PTPRD: variants seen among roughly 807,000 people sequenced by gnomAD.
PTPRD encodes protein tyrosine phosphatase receptor type D, also known as receptor-type tyrosine-protein phosphatase delta.
A neutral mutation model predicts 214.5 loss-of-function variants in PTPRD; 34 were observed. The observed-to-expected ratio is 0.16, with a 90% CI of 0.12 to 0.21. PTPRD has a LOEUF of 0.21. PTPRD is among the 10% of genes least tolerant of loss of function. The probability of loss-of-function intolerance (pLI) is 1.00; values close to 1 mark genes in which losing one functional copy is unlikely to be tolerated. For missense variants in PTPRD, 2,545 were observed against 2,398.7 expected, an observed-to-expected ratio of 1.06 and a Z score of -1.27; for synonymous variants, 1,128 against 845.7, an observed-to-expected ratio of 1.33 and a Z score of -5.79.
At chr9:8,555,174 T>G (rs1008863833) in intron 14 of PTPRD, among the ~76,000 whole-genome samples, 1 of 152,054 alleles carries the variant, frequency 6.6e-6, no homozygotes, top group South Asian at 2.1e-4. Context: ...CACACCAATT[T>G]GGGAGGATCA....
At chr9:8,776,549 C>T (rs1037403802) in intron 11 of PTPRD, among the ~76,000 whole-genome samples, 1 of 140,056 alleles carries the variant, frequency 7.1e-6, no homozygotes, top group African/African-American at 3.2e-5. Flanking sequence ...CTGCCGGCCT[C>T]CCAAAGTGCT....
At chr9:8,611,027 A>G (rs1432780402) in intron 14 of PTPRD, among the ~76,000 whole-genome samples, 1 of 152,206 alleles carries the variant, frequency 6.6e-6, no homozygotes, top group African/African-American at 2.4e-5. Flanking sequence ...ATCTAAATTT[A>G]TGGTTTATTC....
intron 11 of PTPRD, among the ~76,000 whole-genome samples, chr9:8,848,912 A>T (rs1029259361): frequency 6.7e-6 from 1 of 150,028 alleles, no homozygotes; most frequent in African/African-American, 2.5e-5. Context: ...GACATTAAAC[A>T]TAATACTAAA....
intron 9 of PTPRD, among the ~76,000 whole-genome samples, chr9:9,201,212 A>C (rs1032102468): frequency 2.0e-5 from 3 of 152,184 alleles, no homozygotes; most frequent in African/African-American, 7.2e-5. Context: ...CAAGAAGAAA[A>C]CTAAAATAAA....
At chr9:10,105,293 A>G (rs1194358606) in intron 3 of PTPRD, among the ~76,000 whole-genome samples, 1 of 151,858 alleles carries the variant, frequency 6.6e-6, no homozygotes, top group African/African-American at 2.4e-5. Context: ...GTATAAGTTA[A>G]TATCTATTAT....
At chr9:9,105,970 T>A (rs2099797926) in intron 10 of PTPRD, among the ~76,000 whole-genome samples, 1 of 152,144 alleles carries the variant, frequency 6.6e-6, no homozygotes, top group African/African-American at 2.4e-5. Flanking sequence ...GCAGAATCTC[T>A]GTAGACCTGC....
chr9:9,324,519 C>A (rs970260186), intron 9 of PTPRD, among the ~76,000 whole-genome samples: 48 of 152,218 alleles, frequency 3.2e-4, no homozygotes, highest in African/African-American at 1.1e-3. Context: ...TATCCTTTGC[C>A]CACTTTTTGA....
chr9:10,257,372 G>A (rs901871779), intron 3 of PTPRD, among the ~76,000 whole-genome samples: 3 of 152,098 alleles, frequency 2.0e-5, no homozygotes, highest in Non-Finnish European at 2.9e-5. Context: ...GGTAGAGAAA[G>A]GCTCCCAGGG....
intron 2 of PTPRD, among the ~76,000 whole-genome samples, chr9:10,602,092 G>A (rs1480547319): frequency 6.6e-6 from 1 of 151,608 alleles, no homozygotes. Context: ...TCCGATTTTT[G>A]TATGTATTTT....
intron 10 of PTPRD, among the ~76,000 whole-genome samples, chr9:9,108,374 C>A (rs1035272010): frequency 1.3e-5 from 2 of 152,160 alleles, no homozygotes; most frequent in Non-Finnish European, 2.9e-5. Context: ...TTAGTATTAA[C>A]ATGAGCGGTT....
chr9:9,439,718 A>G (rs1290229984), intron 8 of PTPRD, among the ~76,000 whole-genome samples: 1 of 152,230 alleles, frequency 6.6e-6, no homozygotes, highest in Non-Finnish European at 1.5e-5. Context: ...TCTTACCTTC[A>G]CTACCTAAAG....
At chr9:8,726,645 A>C (rs1355584512) in intron 12 of PTPRD, among the ~76,000 whole-genome samples, 4 of 83,500 alleles carry the variant, frequency 4.8e-5, no homozygotes, top group East Asian at 3.8e-4. Context: ...ATATATATAT[A>C]TATATGACAG....
chr9:10,437,880 C>T (rs531401209), intron 2 of PTPRD, among the ~76,000 whole-genome samples: 115 of 150,302 alleles, frequency 7.7e-4, no homozygotes, highest in African/African-American at 1.1e-3. Context: ...TAGATGAGGC[C>T]GCCTTTCCTT....
At chr9:8,426,195 C>A (rs1371584129) in intron 35 of PTPRD, among the ~76,000 whole-genome samples, 4 of 152,202 alleles carry the variant, frequency 2.6e-5, no homozygotes, top group Admixed American at 6.5e-5. Context: ...AACATATATT[C>A]ATCTTCATAA....
At chr9:10,401,023 T>G (rs1253771508) in intron 2 of PTPRD, among the ~76,000 whole-genome samples, 2 of 151,700 alleles carry the variant, frequency 1.3e-5, no homozygotes, top group African/African-American at 4.8e-5. Flanking sequence ...ATAAAAACTT[T>G]TATTGCCTGT....
chr9:8,621,603 T>C (rs1198373497), intron 14 of PTPRD, among the ~76,000 whole-genome samples: 3 of 151,690 alleles, frequency 2.0e-5, no homozygotes, highest in African/African-American at 4.8e-5. Flanking sequence ...TCCCAGATGA[T>C]GATTTATCTG....
intron 30 of PTPRD, among the ~76,000 whole-genome samples, chr9:8,471,601 GCA>G (rs1349369671): frequency 6.6e-6 from 1 of 152,018 alleles, no homozygotes; most frequent in Non-Finnish European, 1.5e-5. Flanking sequence ...AGGTATAATT[GCA>G]CAGAGTAAGA....
intron 2 of PTPRD, among the ~76,000 whole-genome samples, chr9:10,360,149 T>G (rs2097350617): frequency 6.6e-6 from 1 of 152,242 alleles, no homozygotes; most frequent in Non-Finnish European, 1.5e-5. Flanking sequence ...ATGTGATACA[T>G]AGTAATATAA....
At chr9:9,104,182 T>A (rs2099795293) in intron 10 of PTPRD, among the ~76,000 whole-genome samples, 1 of 152,194 alleles carries the variant, frequency 6.6e-6, no homozygotes, top group South Asian at 2.1e-4. Flanking sequence ...ACTACTCAAC[T>A]CTGCTGTTGT....
Sources: allele counts gnomAD v4.1 joint callset (sites outside exome capture counted in the v4.1 genomes callset), GRCh38; gene constraint gnomAD v4.1.1; transcripts MANE v1.5; gene names NCBI Gene and HGNC (gene_info 2026-07-23, HGNC 2026-07-21).